The following PIAS1 variants were observed in gnomAD, a reference collection of about 807,000 sequenced individuals.
The protein encoded by PIAS1 is protein inhibitor of activated STAT 1, also known as E3 SUMO-protein ligase PIAS1.
Under a neutral mutation model 71.3 loss-of-function variants are expected in PIAS1, and 6 were observed. The observed-to-expected ratio is 0.08, with a 90% CI of 0.05 to 0.17. PIAS1 has a LOEUF of 0.17. PIAS1 is among the 10% of genes least tolerant of loss of function. The probability of loss-of-function intolerance (pLI) is 1.00; values close to 1 mark genes in which losing one functional copy is unlikely to be tolerated. For missense variants in PIAS1, 555 were observed against 793.6 expected, an observed-to-expected ratio of 0.70 and a Z score of 3.61; for synonymous variants, 303 against 292.9, an observed-to-expected ratio of 1.03 and a Z score of -0.35.
Position 68,171,991 on chromosome 15 carries a change from G to GC in PIAS1, c.1009-1739dup, listed in dbSNP as rs1009236004. ...GTGCACAACGTGCAGGTATACATGT[G>GC]CCATATTGGTTTGCTGCACCCGTTA... On this transcript the variant is annotated intron_variant, in intron 8 of 13. Transcript: ENST00000249636. This position sits in a 1 kb window ranked among gnomAD's most constrained non-coding sequence, Gnocchi z 4.4. Among the ~76,000 whole-genome samples, 2 of 151,744 alleles carry GC rather than the reference G, an allele frequency of 1.3e-5. No individual in the cohort carries two copies. Among genetic ancestry groups the GC allele is most frequent in the African/African-American group, 4.8e-5 (2 of 41,258 alleles).
chr15:68,102,012 G>C (rs1396977028), intron 2 of PIAS1, among the ~76,000 whole-genome samples: 2 of 152,166 alleles, frequency 1.3e-5, no homozygotes, highest in East Asian at 3.8e-4. Flanking sequence ...CTGAGATTAT[G>C]GGCGTGAGCC....
At chr15:68,149,419 A>T (rs1345385665) in intron 6 of PIAS1, among the ~76,000 whole-genome samples, 2 of 150,372 alleles carry the variant, frequency 1.3e-5, no homozygotes, top group East Asian at 1.9e-4. Context: ...CCCCATTTGC[A>T]CATCTTTCTG....
At position 68,057,826 on chromosome 15, in the gene PIAS1, A is replaced by C. The variant is rs118073476; in HGVS notation, c.24+3476A>C. Among the ~76,000 whole-genome samples, 931 of 152,356 alleles carry C rather than the reference A, an allele frequency of 6.1e-3. 4 individuals are homozygous for C. Among genetic ancestry groups the C allele is most frequent in the East Asian group, 0.032 (167 of 5,192 alleles). On this transcript the variant is annotated intron_variant, in intron 1 of 13. Coordinates refer to ENST00000249636, the MANE Select transcript of PIAS1 (RefSeq NM_016166.3). ...TAAAAACTCTACAGTATAGTTTATAAAATACTACGTATAGTTTCTAAGTAT... is the reference window on the plus strand; with the variant it reads ...TAAAAACTCTACAGTATAGTTTATACAATACTACGTATAGTTTCTAAGTAT...
chr15:68,176,350 T>G, intron 10 of PIAS1, 124 bp from the exon 11 acceptor site: 1 of 515,488 alleles, frequency 1.9e-6, no homozygotes, highest in Non-Finnish European at 3.3e-6. Context: ...CACTGTTGGT[T>G]TTCTACTCTC....
At chr15:68,068,405 T>C (rs2092053258) in intron 1 of PIAS1, among the ~76,000 whole-genome samples, 1 of 152,164 alleles carries the variant, frequency 6.6e-6, no homozygotes. Flanking sequence ...CTGGTGATGT[T>C]TGTGGAAGAA....
chr15:68,104,253 A>G lies in PIAS1; in HGVS notation c.469+17503A>G, dbSNP rs553412226. Among the ~76,000 whole-genome samples, 36 of 152,224 alleles carry G rather than the reference A, an allele frequency of 2.4e-4. No individual in the cohort carries two copies. In the South Asian group the frequency reaches 7.3e-3, roughly 31 times the overall value. On this transcript the variant is annotated intron_variant, in intron 2 of 13. Transcript: ENST00000249636. ...TCTCATTTTATGCTAACGTTGTTAC[A>G]TTTGGTCTTTGTTCTGCCATCTTAA...
At chr15:68,157,187 TGTG>T (rs896389783) in intron 7 of PIAS1, among the ~76,000 whole-genome samples, 2 of 152,062 alleles carry the variant, frequency 1.3e-5, no homozygotes, top group African/African-American at 4.8e-5. Context: ...CTGTTAGACT[TGTG>T]GTGTTTGAGA....
At chr15:68,075,176 C>G (rs370692579) in intron 1 of PIAS1, among the ~76,000 whole-genome samples, 188 of 149,620 alleles carry the variant, frequency 1.3e-3, no homozygotes, top group African/African-American at 4.3e-3. Flanking sequence ...CCTCCGCCCC[C>G]CCAGGTTCAA....
At chr15:68,136,773 T>C (rs2092736448) in intron 2 of PIAS1, among the ~76,000 whole-genome samples, 1 of 152,184 alleles carries the variant, frequency 6.6e-6, no homozygotes, top group Admixed American at 6.5e-5. Context: ...AAAAATCTTT[T>C]ATATCATCTA....
At chr15:68,093,189 A>G (rs2092346631) in intron 2 of PIAS1, among the ~76,000 whole-genome samples, 1 of 152,240 alleles carries the variant, frequency 6.6e-6, no homozygotes, top group African/African-American at 2.4e-5. Flanking sequence ...ACTTGGCTTT[A>G]TCAGGTCTTT....
Position 68,175,659 on chromosome 15 carries a change from T to C in PIAS1, c.1192T>C (p.Tyr398His). 6.4e-7 allele frequency: 1 copy of C among 1,567,304 alleles called. No homozygotes were observed. Among genetic ancestry groups the C allele is most frequent in the African/African-American group, 1.4e-5 (1 of 73,914 alleles). The change falls in exon 10 of 14, where the codon TAC becomes CAC. Residue 398 changes from tyrosine (Y) to histidine (H), a missense_variant. By Grantham distance (83) the Tyr-to-His change is moderately conservative (BLOSUM62 2). Around this residue, in one of 5 missense-constraint regions of PIAS1, gnomAD observed 244 missense variants for 307.5 expected, o/e 0.79. Transcript: ENST00000249636. ...IDGLFMEILK[Y>H]CTDCDEIQFK... is the part of the protein sequence containing the mutation. Reference sequence around the variant, plus strand: ...TAGCTTGTTTATGGAAATCCTAAAGTACTGTACAGACTGTGATGAAATACA... The same window carrying C: ...TAGCTTGTTTATGGAAATCCTAAAGCACTGTACAGACTGTGATGAAATACA...
chr15:68,184,676 T>C lies in PIAS1; in HGVS notation c.1662+1009T>C, dbSNP rs191677555. 2.0e-5 allele frequency: 3 copies of C among 152,454 alleles called. No homozygotes were observed. In the East Asian group the frequency reaches 5.8e-4, roughly 29 times the overall value. 9.4% of individuals were successfully genotyped at this position (152,454 alleles called of 1,614,324 possible). On this transcript the variant is annotated intron_variant, in intron 13 of 13. Coordinates refer to ENST00000249636, the MANE Select transcript of PIAS1 (RefSeq NM_016166.3). ...TTGGAAACTCTAGATAAGCTGATTA[T>C]GAAGGAAGATTACTTGCCAGACAAA... is the stretch of plus-strand genomic sequence containing the variant.
At position 68,191,355 on chromosome 15, in the gene PIAS1, A is replaced by T. The variant is rs117108060; in HGVS notation, c.*3520A>T. On this transcript the variant is annotated 3_prime_UTR_variant, in exon 14 of 14. Coordinates refer to ENST00000249636, the MANE Select transcript of PIAS1 (RefSeq NM_016166.3). ...AGACAATGTCAGTTTGTATAAAAGT[A>T]CCAAGTGAAAATATTTATTACATGC... is the stretch of plus-strand genomic sequence containing the variant. 6.5e-6 allele frequency: 1 copy of T among 152,698 alleles called. No individual in the cohort carries two copies. The highest frequency in any genetic ancestry group is 2.4e-5 in the African/African-American group (1 of 41,472). 9.5% of individuals were successfully genotyped at this position (152,698 alleles called of 1,614,324 possible). A position where few individuals can be genotyped will look rare whatever the true frequency, so the allele number is the denominator to read the frequency against.
At position 68,116,673 on chromosome 15, in the gene PIAS1, CATTG is replaced by C. The variant is rs200422850; in HGVS notation, c.470-25269_470-25266del. ...AGTTTCTTAAGGTATAAACTGAAAC[CATTG>C]ATTTAAGACCTTTTTTTTCTAATAT... On this transcript the variant is annotated intron_variant, in intron 2 of 13. Coordinates refer to ENST00000249636, the MANE Select transcript of PIAS1 (RefSeq NM_016166.3). Among the ~76,000 whole-genome samples the C allele has an allele frequency of 4.5e-4, 69 of 151,838 alleles. 2 individuals carry two copies. The East Asian group carries it at 9.9e-3, about 22-fold the overall frequency.
intron 2 of PIAS1, among the ~76,000 whole-genome samples, chr15:68,129,838 C>G (rs2092677503): frequency 6.8e-6 from 1 of 147,680 alleles, no homozygotes; most frequent in African/African-American, 2.5e-5. Flanking sequence ...CACACACACT[C>G]TTACATAGAT....
intron 2 of PIAS1, among the ~76,000 whole-genome samples, chr15:68,096,801 AT>A (rs1331111145): frequency 2.6e-5 from 4 of 151,694 alleles, no homozygotes; most frequent in East Asian, 1.9e-4. Context: ...TAGTTCTAAT[AT>A]TTTTTTTCTT....
chr15:68,170,323 C>G (rs116220796), intron 8 of PIAS1, among the ~76,000 whole-genome samples: 225 of 152,256 alleles, frequency 1.5e-3, no homozygotes, highest in African/African-American at 5.3e-3. Context: ...CCTATTGCTC[C>G]TAGTTTGCAA....
rs375260072 is a variant in PIAS1, at chr15:68,073,646, G to C, written c.25-12660G>C. On this transcript the variant is annotated intron_variant, in intron 1 of 13. Transcript: ENST00000249636. ...GCTAGTAAAAGGCTGGGATAGGAGG[G>C]GGGAGAAGAGCTTCTCCTTGAAAGA... Among the ~76,000 whole-genome samples, 9 of 152,224 alleles carry C rather than the reference G, an allele frequency of 5.9e-5. No homozygotes were observed. In the South Asian group the frequency reaches 1.7e-3, roughly 28 times the overall value.
At chr15:68,128,229 A>G (rs1595748105) in intron 2 of PIAS1, among the ~76,000 whole-genome samples, 1 of 152,274 alleles carries the variant, frequency 6.6e-6, no homozygotes, top group East Asian at 1.9e-4. Flanking sequence ...GCAGTGGCCC[A>G]ATCACAGCTC....
Sources: gnomAD v4.1 joint callset for allele counts (sites outside exome capture counted in the v4.1 genomes callset) on GRCh38, gnomAD v4.1.1 for gene constraint, gnomAD v4.1.1 regional missense constraint, Gnocchi (gnomAD v3.1) non-coding constraint, MANE v1.5 for transcripts, NCBI Gene and HGNC (gene_info 2026-07-23, HGNC 2026-07-21) for gene names.